The following ANXA8 variants were observed in gnomAD, a reference collection of about 807,000 sequenced individuals.
The protein encoded by ANXA8 is annexin A8.
A neutral mutation model predicts 26.8 loss-of-function variants in ANXA8; 9 were observed. The observed-to-expected ratio is 0.34, with a 90% CI of 0.20 to 0.59. The LOEUF is 0.59. Ranked by LOEUF, ANXA8 falls within the 20% of genes least tolerant of loss-of-function variation. The probability of loss-of-function intolerance (pLI) is 0.84; values close to 1 mark genes in which losing one functional copy is unlikely to be tolerated. For missense variants in ANXA8, 83 were observed against 238.5 expected, an observed-to-expected ratio of 0.35 and a Z score of 4.29; for synonymous variants, 39 against 94.8, an observed-to-expected ratio of 0.41 and a Z score of 3.42.
the ANXA8 span, among the ~76,000 whole-genome samples, chr10:47,772,235 C>T: frequency 6.6e-6 from 1 of 151,886 alleles, no homozygotes; most frequent in Non-Finnish European, 1.5e-5. Flanking sequence ...GGCAGCTCAA[C>T]ATCATCATCT....
the ANXA8 span, among the ~76,000 whole-genome samples, chr10:47,896,805 T>C: frequency 1.3e-5 from 2 of 151,966 alleles, no homozygotes; most frequent in African/African-American, 4.8e-5. Context: ...CAGAGAACCT[T>C]AGGTCAAAGA....
chr10:47,768,535 T>C, the ANXA8 span, among the ~76,000 whole-genome samples: 5 of 150,482 alleles, frequency 3.3e-5, no homozygotes, highest in African/African-American at 9.9e-5. Context: ...AGGGAGGGGA[T>C]TTGCCAGATT....
chr10:47,762,849 C>G, the ANXA8 span: 1 of 1,424,212 alleles, frequency 7.0e-7, no homozygotes, highest in African/African-American at 1.5e-5. Flanking sequence ...CCCAGCCAGT[C>G]CCTGGCCCAG....
At chr10:47,705,735 T>C in the ANXA8 span, among the ~76,000 whole-genome samples, 1 of 152,066 alleles carries the variant, frequency 6.6e-6, no homozygotes, top group South Asian at 2.1e-4. Context: ...TAAAGTATAT[T>C]CTAAAGTTTT....
the ANXA8 span, among the ~76,000 whole-genome samples, chr10:47,765,805 T>TC: frequency 2.0e-5 from 3 of 149,700 alleles, no homozygotes; most frequent in Middle Eastern, 3.4e-3. Flanking sequence ...CCCATTCTCA[T>TC]CCCCCCCACC....
At chr10:47,950,549 A>G in the ANXA8 span, among the ~76,000 whole-genome samples, 5 of 150,540 alleles carry the variant, frequency 3.3e-5, no homozygotes, top group African/African-American at 9.9e-5. Flanking sequence ...CCAACTGAAC[A>G]CAAAACTTTC....
the ANXA8 span, among the ~76,000 whole-genome samples, chr10:47,621,120 T>C: frequency 9.8e-6 from 1 of 102,420 alleles, no homozygotes; most frequent in East Asian, 2.3e-4. Context: ...CATCTAATCA[T>C]GAGATAAGTC....
At chr10:47,619,877 G>T in the ANXA8 span, among the ~76,000 whole-genome samples, 3 of 112,700 alleles carry the variant, frequency 2.7e-5, 1 homozygote, top group Non-Finnish European at 5.9e-5. Context: ...CACAGAGGAG[G>T]TTCAAGAGAT....
At chr10:47,575,232 C>A in the ANXA8 span, among the ~76,000 whole-genome samples, 5 of 136,680 alleles carry the variant, frequency 3.7e-5, no homozygotes, top group South Asian at 4.7e-4. Context: ...AGAAAGCAAG[C>A]AAGAAAGAAA....
chr10:47,622,848 G>A, the ANXA8 span, among the ~76,000 whole-genome samples: 20 of 112,254 alleles, frequency 1.8e-4, 5 homozygotes, highest in African/African-American at 5.5e-4. Context: ...TTTCTTTCTC[G>A]CAAGGTCAAG....
chr10:47,589,891 AAGAT>A, the ANXA8 span, among the ~76,000 whole-genome samples: 1 of 131,136 alleles, frequency 7.6e-6, no homozygotes, highest in Non-Finnish European at 1.5e-5. Context: ...GGGAAGGGGA[AAGAT>A]AGATAGATGA....
At chr10:47,561,545 C>G in the ANXA8 span, among the ~76,000 whole-genome samples, 1 of 151,858 alleles carries the variant, frequency 6.6e-6, no homozygotes, top group African/African-American at 2.4e-5. Context: ...ATGTTGTATA[C>G]TGAGTCCTTT....
the ANXA8 span, among the ~76,000 whole-genome samples, chr10:47,756,609 G>C: frequency 6.6e-6 from 1 of 152,122 alleles, no homozygotes; most frequent in Non-Finnish European, 1.5e-5. Flanking sequence ...GAGGGTCAGA[G>C]TCACAGTGGA....
the ANXA8 span, among the ~76,000 whole-genome samples, chr10:47,591,492 G>A: frequency 8.3e-6 from 1 of 120,350 alleles, no homozygotes; most frequent in South Asian, 2.6e-4. Context: ...CGCCCAGGCT[G>A]GAGTGCAGTG....
At chr10:47,496,931 C>T in the ANXA8 span, among the ~76,000 whole-genome samples, 2 of 132,084 alleles carry the variant, frequency 1.5e-5, no homozygotes, top group Non-Finnish European at 3.1e-5. Flanking sequence ...CTGGGTTTCT[C>T]CATTGTAAAG....
At chr10:47,693,830 T>G in the ANXA8 span, among the ~76,000 whole-genome samples, 19 of 149,062 alleles carry the variant, frequency 1.3e-4, 2 homozygotes, top group South Asian at 8.4e-4. Flanking sequence ...TGTTTTTTTT[T>G]GGGCAATTAT....
At chr10:47,492,039 T>C in the ANXA8 span, among the ~76,000 whole-genome samples, 2 of 149,692 alleles carry the variant, frequency 1.3e-5, no homozygotes, top group Non-Finnish European at 3.0e-5. Flanking sequence ...GGTACTGATA[T>C]GTACCTGGAG....
At chr10:47,605,979 C>T in the ANXA8 span, among the ~76,000 whole-genome samples, 1 of 150,268 alleles carries the variant, frequency 6.7e-6, no homozygotes, top group Non-Finnish European at 1.5e-5. Context: ...GTATAGACTT[C>T]AAAAGTATAG....
the ANXA8 span, among the ~76,000 whole-genome samples, chr10:47,571,853 G>C: frequency 6.7e-6 from 1 of 148,260 alleles, no homozygotes; most frequent in Non-Finnish European, 1.5e-5. Context: ...TCCCAGACTG[G>C]TCTCGAACTC....
Sources: allele counts gnomAD v4.1 joint callset (sites outside exome capture counted in the v4.1 genomes callset), GRCh38; gene constraint gnomAD v4.1.1; transcripts MANE v1.5; gene names NCBI Gene and HGNC (gene_info 2026-07-23, HGNC 2026-07-21).